Variants in CSNK1A1 observed in about 807,000 individuals in gnomAD.
CSNK1A1 encodes casein kinase 1 alpha 1, also known as casein kinase I isoform alpha.
In CSNK1A1, 7 loss-of-function variants were observed where a neutral mutation model predicts 46.1. The observed-to-expected ratio is 0.15, with a 90% confidence interval of 0.09 to 0.29. The LOEUF is 0.29. Ranked by LOEUF, CSNK1A1 falls within the 10% of genes least tolerant of loss-of-function variation. The pLI is 1.00. For synonymous variants in CSNK1A1, 137 were observed against 141.5 expected, an observed-to-expected ratio of 0.97 and a Z score of 0.23; for missense variants, 96 against 417.1, an observed-to-expected ratio of 0.23 and a Z score of 6.71.
chr5:149,522,607 T>C (rs1317109797), intron 3 of CSNK1A1, among the ~76,000 whole-genome samples: 3 of 152,222 alleles, frequency 2.0e-5, no homozygotes, highest in African/African-American at 7.2e-5. Context: ...AATTGTACTC[T>C]TCTACCTTGA....
intron 9 of CSNK1A1, 110 bp from the exon 10 acceptor site, chr5:149,496,970 A>T (rs1760673146): frequency 6.8e-7 from 1 of 1,475,526 alleles, no homozygotes; most frequent in Non-Finnish European, 8.9e-7. Flanking sequence ...ATAGTGGCTC[A>T]TGTTATTTCG....
At chr5:149,529,633 G>A (rs1761828064) in intron 2 of CSNK1A1, 1 of 452,620 alleles carries the variant, frequency 2.2e-6, no homozygotes, top group Non-Finnish European at 4.4e-6. Flanking sequence ...TTGGGGCATG[G>A]GCTGTCATAA....
chr5:149,525,221 A>G lies in CSNK1A1; in HGVS notation c.231-50T>C. 1 of 1,507,446 alleles carries G rather than the reference A, an allele frequency of 6.6e-7. No individual in the cohort carries two copies. The highest frequency in any genetic ancestry group is 1.4e-5 in the African/African-American group (1 of 71,174). The allele number at this position is 1,507,446 out of a possible 1,614,324, so 93.4% of individuals were successfully genotyped here. On this transcript the variant is annotated intron_variant, in intron 2 of 9. Coordinates refer to ENST00000377843, the MANE Select transcript of CSNK1A1 (RefSeq NM_001892.6). The surrounding 1 kb of genome is among the most constrained non-coding windows in gnomAD (Gnocchi z 4.2). Reference sequence around the variant, plus strand: ...GGATATTACAAAAAGCTATTACTTAATATCATCAACCCTAAGAATAATATA... The same window carrying G: ...GGATATTACAAAAAGCTATTACTTAGTATCATCAACCCTAAGAATAATATA...
intron 2 of CSNK1A1, chr5:149,545,397 T>C (rs979671464): frequency 6.2e-6 from 3 of 484,500 alleles, no homozygotes; most frequent in Non-Finnish European, 7.5e-6. Context: ...TCCGAAGCCT[T>C]TGTAGGGGCC....
rs373809575 is a variant in CSNK1A1, at chr5:149,504,317, T to A, written c.1006+1130A>T. 5.6e-4 allele frequency: 556 copies of A among 984,516 alleles called. 9 individuals are homozygous for A. The South Asian group carries it at 0.011, about 20-fold the overall frequency. The allele number at this position is 984,516 out of a possible 1,614,324, so 61.0% of individuals were successfully genotyped here. On this transcript the variant is annotated intron_variant, in intron 9 of 9. Transcript: ENST00000377843. Reference sequence around the variant, plus strand: ...ATGAGGATGACATCAGTTAATAATATTTCTTGAAAAGTATCTTCAGATTAG... The same window carrying A: ...ATGAGGATGACATCAGTTAATAATAATTCTTGAAAAGTATCTTCAGATTAG...
chr5:149,538,854 G>A (rs1762143170), intron 2 of CSNK1A1, among the ~76,000 whole-genome samples: 2 of 152,034 alleles, frequency 1.3e-5, no homozygotes, highest in East Asian at 1.9e-4. Flanking sequence ...CCCAGGAGGC[G>A]GATGTTGCGG....
At chr5:149,545,117 G>T (rs1168127183) in intron 2 of CSNK1A1, among the ~76,000 whole-genome samples, 1 of 147,604 alleles carries the variant, frequency 6.8e-6, no homozygotes, top group Admixed American at 6.8e-5. Context: ...AAAAAAAAAA[G>T]TTACACTTGG....
chr5:149,533,744 G>T (rs1043413377), intron 2 of CSNK1A1, among the ~76,000 whole-genome samples: 1 of 151,902 alleles, frequency 6.6e-6, no homozygotes, highest in Admixed American at 6.6e-5. Flanking sequence ...AACATTGATA[G>T]TGGTGGTATT....
At chr5:149,506,141 G>C (rs1761015349) in intron 8 of CSNK1A1, among the ~76,000 whole-genome samples, 1 of 152,102 alleles carries the variant, frequency 6.6e-6, no homozygotes, top group African/African-American at 2.4e-5. Flanking sequence ...TGGCCAGGCT[G>C]GTCTCGAGCT....
At position 149,542,690 on chromosome 5, in the gene CSNK1A1, ATATTT is replaced by A. The variant is rs1404891871; in HGVS notation, c.230+7380_230+7384del. On this transcript the variant is annotated intron_variant, in intron 2 of 9. Transcript: ENST00000377843. The stretch of plus-strand genomic sequence containing the variant: ...TATATATGTATATATATATATATAT[ATATTT>A]TTTTTTTTTTTTTTTTTTGAGACAG... Among the ~76,000 whole-genome samples, 55 of 18,456 alleles carry A rather than the reference ATATTT, an allele frequency of 3.0e-3. 4 individuals carry two copies. Among genetic ancestry groups the A allele is most frequent in the African/African-American group, 8.2e-3 (32 of 3,926 alleles). 12.1% of individuals were successfully genotyped at this position (18,456 alleles called of 152,430 possible).
At chr5:149,499,306 GGGGA>G in intron 9 of CSNK1A1, 5 of 794,568 alleles carry the variant, frequency 6.3e-6, no homozygotes, top group Non-Finnish European at 7.5e-6. Flanking sequence ...TAAAAAAAAA[GGGGA>G]GGGGGAGGGG....
chr5:149,520,593 T>A (rs887961824), intron 3 of CSNK1A1, among the ~76,000 whole-genome samples: 1 of 152,234 alleles, frequency 6.6e-6, no homozygotes. Flanking sequence ...TGGCTTTACC[T>A]TCTAGTATTA....
At chr5:149,526,779 G>A (rs144675481) in intron 2 of CSNK1A1, among the ~76,000 whole-genome samples, 1 of 144,162 alleles carries the variant, frequency 6.9e-6, no homozygotes. Context: ...ACCTGAGAAA[G>A]GGGGGGGAGC....
intron 2 of CSNK1A1, among the ~76,000 whole-genome samples, chr5:149,529,114 T>TA (rs923954771): frequency 2.2e-4 from 34 of 152,146 alleles, no homozygotes; most frequent in African/African-American, 6.7e-4. Flanking sequence ...TACGAAACAT[T>TA]AAAAAAAATC....
intron 4 of CSNK1A1, among the ~76,000 whole-genome samples, chr5:149,519,436 C>T (rs920570683): frequency 2.6e-5 from 4 of 152,174 alleles, no homozygotes; most frequent in African/African-American, 9.7e-5. Flanking sequence ...ATCATCAGAT[C>T]ACAACATGCT....
chr5:149,521,415 T>C (rs1037072659), intron 3 of CSNK1A1, among the ~76,000 whole-genome samples: 1 of 151,714 alleles, frequency 6.6e-6, no homozygotes, highest in Non-Finnish European at 1.5e-5. Context: ...AACTATAAGG[T>C]GCATGCCACT....
intron 2 of CSNK1A1, chr5:149,549,565 G>T (rs972708327): frequency 4.3e-6 from 3 of 697,648 alleles, no homozygotes; most frequent in Admixed American, 4.0e-5. Flanking sequence ...TGAGAAAAGG[G>T]CAGGAATATG....
intron 8 of CSNK1A1, among the ~76,000 whole-genome samples, chr5:149,506,475 G>T (rs1013533186): frequency 1.3e-5 from 2 of 151,782 alleles, no homozygotes; most frequent in African/African-American, 4.8e-5. Flanking sequence ...GACCTCAAGC[G>T]ATCTGCCCGC....
Position 149,550,988 on chromosome 5 carries a change from G to A in CSNK1A1, c.-24C>T, listed in dbSNP as rs779226707. 2 of 1,613,318 alleles carry A rather than the reference G, an allele frequency of 1.2e-6. No individual in the cohort carries two copies. The highest frequency in any genetic ancestry group is 2.2e-5 in the East Asian group (1 of 44,870). ...ATCCTGAGAGACGAAGATGGAGGCT[G>A]GGGCCAAGCCCCGACACCTCTGGGA... On this transcript the variant is annotated 5_prime_UTR_variant, in exon 1 of 10. Transcript: ENST00000377843. The surrounding 1 kb of genome is among the most constrained non-coding windows in gnomAD (Gnocchi z 4.3).
Sources: gnomAD v4.1 joint callset for allele counts (sites outside exome capture counted in the v4.1 genomes callset) on GRCh38, gnomAD v4.1.1 for gene constraint, Gnocchi (gnomAD v3.1) non-coding constraint, MANE v1.5 for transcripts, NCBI Gene and HGNC (gene_info 2026-07-23, HGNC 2026-07-21) for gene names.